Variants in EP300 observed in about 807,000 individuals in gnomAD.
EP300 encodes histone acetyltransferase p300.
In EP300, 31 loss-of-function variants were observed where a neutral mutation model predicts 264.0. The observed-to-expected ratio is 0.12, with a 90% CI of 0.09 to 0.16. The LOEUF is 0.16. EP300 is among the 10% of genes least tolerant of loss of function. The pLI is 1.00. For missense variants in EP300, 2,766 were observed against 3,052.9 expected (o/e 0.91, Z 2.21); for synonymous variants, 1,340 against 1,045.4 (o/e 1.28, Z -5.44).
rs2145726205 is a variant in EP300 at position 41,141,151 on chromosome 22, C to G, written c.1982C>G (p.Ala661Gly). The G allele has an allele frequency of 6.2e-7, 1 of 1,614,154 alleles. No homozygotes were observed. The highest frequency in any genetic ancestry group is 8.5e-7 in the Non-Finnish European group (1 of 1,180,014). ...RLQKQNMLPN[A>G]AGMVPVSMNP... ...CAGAAGCAGAACATGCTACCAAATG[C>G]TGCAGGCATGGTTCCAGTTTCCATG... The change falls in exon 10 of 31, where the codon GCT (alanine) becomes GGT (glycine). Residue 661 changes from alanine to glycine, a missense_variant. Transcript: ENST00000263253.
rs181324483 is a variant in EP300, at chr22:41,128,757, C to T, written c.1168+1009C>T. On this transcript the variant is annotated intron_variant, in intron 4 of 30. Transcript: ENST00000263253. Reference sequence around the variant, plus strand: ...CAATCTCCTGACCTTGTGGTCCACCCGCCTTGGCCTCCCAAAGTGTTAGGA... The same window carrying T: ...CAATCTCCTGACCTTGTGGTCCACCTGCCTTGGCCTCCCAAAGTGTTAGGA... Among the ~76,000 whole-genome samples, 704 of 152,232 alleles carry T rather than the reference C, an allele frequency of 4.6e-3. 9 individuals are homozygous for T. The highest frequency in any genetic ancestry group is 0.016 in the African/African-American group (654 of 41,550).
intron 16 of EP300, among the ~76,000 whole-genome samples, chr22:41,153,308 T>C (rs1354682536): frequency 6.6e-6 from 1 of 152,224 alleles, no homozygotes; most frequent in Non-Finnish European, 1.5e-5. Flanking sequence ...GTCTGCTGGC[T>C]CTTACAGATG....
chr22:41,176,735 C>A, intron 30 of EP300, 38 bp from the exon 31 acceptor site: 3 of 1,613,562 alleles, frequency 1.9e-6, no homozygotes, highest in South Asian at 2.2e-5. Flanking sequence ...TGACTTAAAT[C>A]TTGGAGAGTT....
At chr22:41,143,848 G>A (rs2058996282) in intron 10 of EP300, among the ~76,000 whole-genome samples, 1 of 152,068 alleles carries the variant, frequency 6.6e-6, no homozygotes. Flanking sequence ...CAAAGTGCTG[G>A]GATTACAGGC....
intron 2 of EP300, among the ~76,000 whole-genome samples, chr22:41,124,230 G>A (rs1192997279): frequency 6.6e-6 from 1 of 152,218 alleles, no homozygotes; most frequent in Non-Finnish European, 1.5e-5. Context: ...GGGCGACAGA[G>A]CGAGACTTTG....
At chr22:41,160,389 C>T (rs1601626705) in intron 19 of EP300, 1 of 440,492 alleles carries the variant, frequency 2.3e-6, no homozygotes, top group South Asian at 2.5e-5. Flanking sequence ...CTCCCTCATG[C>T]TTGTCGTTGT....
intron 4 of EP300, among the ~76,000 whole-genome samples, chr22:41,129,596 TTAGAA>T (rs1222534521): frequency 6.6e-6 from 1 of 152,230 alleles, no homozygotes; most frequent in Non-Finnish European, 1.5e-5. Flanking sequence ...GTACATTTGC[TTAGAA>T]TAAAGTAGGT....
At chr22:41,111,548 C>CT (rs201344505) in intron 1 of EP300, among the ~76,000 whole-genome samples, 1 of 151,848 alleles carries the variant, frequency 6.6e-6, no homozygotes, top group Non-Finnish European at 1.5e-5. Flanking sequence ...TTCTTTCCTT[C>CT]TTTTTTGTTT....
At chr22:41,141,344 C>A in intron 10 of EP300, 122 bp downstream of exon 10, 1 of 1,103,534 alleles carries the variant, frequency 9.1e-7, no homozygotes. Context: ...AACCATTTGC[C>A]TTTGCAAAGA....
intron 29 of EP300, 137 bp downstream of exon 29, chr22:41,173,921 G>C (rs1330033159): frequency 1.0e-6 from 1 of 980,298 alleles, no homozygotes; most frequent in Non-Finnish European, 1.6e-6. Flanking sequence ...AGACCAGCCT[G>C]ACCAACACGG....
At chr22:41,176,583 G>T (rs2145514281) in intron 30 of EP300, 55 bp downstream of exon 30, 1 of 1,611,302 alleles carries the variant, frequency 6.2e-7, no homozygotes, top group South Asian at 1.1e-5. Flanking sequence ...TGTTCTGAGG[G>T]GCCATGCAGC....
intron 19 of EP300, 127 bp from the exon 20 acceptor site, chr22:41,160,515 C>T (rs559985483): frequency 3.8e-6 from 3 of 781,162 alleles, no homozygotes; most frequent in South Asian, 1.4e-5. Context: ...TCCTTGTCGC[C>T]GTTGATGACC....
At chr22:41,115,612 T>C (rs1349976214) in intron 1 of EP300, among the ~76,000 whole-genome samples, 3 of 152,138 alleles carry the variant, frequency 2.0e-5, no homozygotes, top group Non-Finnish European at 2.9e-5. Context: ...TTATTGTTTG[T>C]AGAGACAGGG....
At chr22:41,157,029 C>T (rs942699599) in intron 17 of EP300, 140 bp from the exon 18 acceptor site, 2 of 942,516 alleles carry the variant, frequency 2.1e-6, no homozygotes, top group South Asian at 3.0e-5. Flanking sequence ...AAGTGATGGA[C>T]ATCAGTCACC....
At chr22:41,167,091 A>T (rs1027880159) in intron 23 of EP300, among the ~76,000 whole-genome samples, 2 of 152,134 alleles carry the variant, frequency 1.3e-5, no homozygotes, top group Non-Finnish European at 2.9e-5. Context: ...TCCGCCTCCC[A>T]GGTTCATGTG....
At position 41,140,244 on chromosome 22, in the gene EP300, C is replaced by G. The variant is rs745665740; in HGVS notation, c.1865C>G (p.Ser622Cys). Reference protein sequence around the residue: ...ARKVEGDMYESANNRAEYYHL... With the variant: ...ARKVEGDMYECANNRAEYYHL... Reference sequence around the variant, plus strand: ...AAAGTTGAAGGGGACATGTATGAATCTGCAAACAATCGAGTGAGTGTCTGG... The same window carrying G: ...AAAGTTGAAGGGGACATGTATGAATGTGCAAACAATCGAGTGAGTGTCTGG... Residue 622 changes from serine (S) to cysteine (C), a missense_variant, in exon 9 of 31, where the codon TCT becomes TGT. Physicochemically the swap from Ser to Cys is moderately radical, Grantham distance 112 (BLOSUM62 -1). Coordinates refer to ENST00000263253, the MANE Select transcript of EP300 (RefSeq NM_001429.4). 2.5e-6 allele frequency: 4 copies of G among 1,607,944 alleles called. No individual in the cohort carries two copies. The African/African-American group carries it at 5.3e-5, about 22-fold the overall frequency.
Position 41,117,850 on chromosome 22 carries a change from A to G in EP300, c.729+29A>G, listed in dbSNP as rs571420284. 2.7e-5 allele frequency: 44 copies of G among 1,612,802 alleles called. No homozygotes were observed. In the African/African-American group the frequency reaches 2.9e-4, roughly 11 times the overall value. On this transcript the variant is annotated intron_variant, in intron 2 of 30. Transcript: ENST00000263253. ...AGTACAGTTTTGGTTTGTGTGCACA[A>G]TCGGCATGCATGTGAGTATTGTCAT...
At chr22:41,107,087 A>G (rs1257255487) in intron 1 of EP300, among the ~76,000 whole-genome samples, 1 of 151,718 alleles carries the variant, frequency 6.6e-6, no homozygotes, top group African/African-American at 2.4e-5. Flanking sequence ...TTGTATTTTT[A>G]GTAGCGATGG....
At chr22:41,122,663 T>C (rs1165159530) in intron 2 of EP300, among the ~76,000 whole-genome samples, 2 of 152,176 alleles carry the variant, frequency 1.3e-5, no homozygotes, top group Non-Finnish European at 2.9e-5. Context: ...GAAGATTAAT[T>C]TACATTTTTT....
Sources: allele counts gnomAD v4.1 joint callset (sites outside exome capture counted in the v4.1 genomes callset), GRCh38; gene constraint gnomAD v4.1.1; transcripts MANE v1.5; gene names NCBI Gene and HGNC (gene_info 2026-07-23, HGNC 2026-07-21).